The following AGTR1 variants were observed in gnomAD, a reference collection of about 807,000 sequenced individuals.
The protein encoded by AGTR1 is angiotensin II receptor type 1, also known as type-1 angiotensin II receptor.
In AGTR1, 16 loss-of-function variants were observed where a neutral mutation model predicts 19.4. The observed-to-expected ratio is 0.82, with a 90% CI of 0.56 to 1.25. The LOEUF is 1.25. Ranked by LOEUF, AGTR1 falls within the 50% of genes most tolerant of loss-of-function variation. The probability of loss-of-function intolerance (pLI) is 0.00; values close to 1 mark genes in which losing one functional copy is unlikely to be tolerated. For missense variants in AGTR1, 373 were observed against 431.9 expected, an observed-to-expected ratio of 0.86 and a Z score of 1.21; for synonymous variants, 153 against 154.9, an observed-to-expected ratio of 0.99 and a Z score of 0.09.
Position 148,742,600 on chromosome 3 carries a change from A to T in AGTR1, c.*485A>T, listed in dbSNP as rs1714983530. On this transcript the variant is annotated 3_prime_UTR_variant, in exon 3 of 3. Transcript: ENST00000349243. ...GCTACACTTGCACCTGGTACTGCAC[A>T]TTTTGTACAAAGATATGCTAAGCAG... The T allele has an allele frequency of 4.0e-6, 1 of 250,092 alleles. No homozygotes were observed. The highest frequency in any genetic ancestry group is 5.3e-5 in the South Asian group (1 of 18,924). 15.5% of individuals were successfully genotyped at this position (250,092 alleles called of 1,614,324 possible). A position where few individuals can be genotyped will look rare whatever the true frequency, so the allele number is the denominator to read the frequency against.
intron 2 of AGTR1, among the ~76,000 whole-genome samples, chr3:148,710,826 G>A (rs957378404): frequency 6.6e-6 from 1 of 152,062 alleles, no homozygotes; most frequent in Non-Finnish European, 1.5e-5. Flanking sequence ...CCTGCAGGCG[G>A]ATCTCTCATG....
chr3:148,739,969 T>C, intron 2 of AGTR1: 2 of 1,231,838 alleles, frequency 1.6e-6, no homozygotes, highest in Non-Finnish European at 2.0e-6. Flanking sequence ...GATGTCACTC[T>C]CACTGAACCT....
At chr3:148,704,462 A>T (rs1245746079) in intron 1 of AGTR1, among the ~76,000 whole-genome samples, 2 of 152,164 alleles carry the variant, frequency 1.3e-5, no homozygotes, top group Non-Finnish European at 2.9e-5. Flanking sequence ...TCATGCTATA[A>T]AGTAAATTCT....
rs1458987871 is a variant in AGTR1, at chr3:148,698,064, G to A, written c.-195G>A. ...GCACAGCCGGGACGCCGAGGCGGCG[G>A]GCGGGAGACCCGCACCAGCGCAGCC... On this transcript the variant is annotated 5_prime_UTR_variant, in exon 1 of 3. Coordinates refer to ENST00000349243, the MANE Select transcript of AGTR1 (RefSeq NM_000685.5). The A allele has an allele frequency of 6.6e-6, 1 of 152,162 alleles. No individual in the cohort carries two copies. Among genetic ancestry groups the A allele is most frequent in the African/African-American group, 2.4e-5 (1 of 41,454 alleles). The allele number at this position is 152,162 out of a possible 1,614,324, so 9.4% of individuals were successfully genotyped here.
At chr3:148,708,806 C>A (rs1712819184) in intron 2 of AGTR1, among the ~76,000 whole-genome samples, 1 of 152,194 alleles carries the variant, frequency 6.6e-6, no homozygotes, top group African/African-American at 2.4e-5. Flanking sequence ...GTTCAAAGAA[C>A]AAGCCCTCAG....
rs183218911 is a variant in AGTR1, at chr3:148,713,271, G to A, written c.-48+5244G>A. Among the ~76,000 whole-genome samples the A allele has an allele frequency of 3.9e-3, 591 of 150,124 alleles. 3 individuals carry two copies. Among genetic ancestry groups the A allele is most frequent in the African/African-American group, 0.014 (563 of 40,966 alleles). ...TATTTAATCATTTTTTTTCTTTTTT[G>A]GTTTCTATGGTATCACCATCCATCA... On this transcript the variant is annotated intron_variant, in intron 2 of 2. Coordinates refer to ENST00000349243, the MANE Select transcript of AGTR1 (RefSeq NM_000685.5).
rs535148653 is a variant in AGTR1, at chr3:148,698,128, G to A, written c.-132+1G>A. 2.0e-5 allele frequency: 3 copies of A among 152,364 alleles called. No individual in the cohort carries two copies. The East Asian group carries it at 5.8e-4, about 29-fold the overall frequency. 9.4% of individuals were successfully genotyped at this position (152,364 alleles called of 1,614,324 possible). A position where few individuals can be genotyped will look rare whatever the true frequency, so the allele number is the denominator to read the frequency against. On this transcript the variant is annotated splice_donor_variant, in intron 1 of 2. Transcript: ENST00000349243. LOFTEE classifies it low-confidence loss of function (5UTR_SPLICE). Reference sequence around the variant, plus strand: ...ACGTGACGCAGCGCCCGGGGCGCGGGTGAGTCCGCGCGGACCGCCAGGCAT... The same window carrying A: ...ACGTGACGCAGCGCCCGGGGCGCGGATGAGTCCGCGCGGACCGCCAGGCAT...
chr3:148,708,796 G>C (rs1451289960), intron 2 of AGTR1, among the ~76,000 whole-genome samples: 1 of 152,174 alleles, frequency 6.6e-6, no homozygotes, highest in African/African-American at 2.4e-5. Context: ...CAAAAACTCA[G>C]TTCAAAGAAC....
chr3:148,713,631 T>C (rs1713128036), intron 2 of AGTR1, among the ~76,000 whole-genome samples: 1 of 152,102 alleles, frequency 6.6e-6, no homozygotes, highest in African/African-American at 2.4e-5. Flanking sequence ...CCTGTCCTGA[T>C]GTGGAGTCAG....
intron 1 of AGTR1, chr3:148,698,455 T>G (rs1002546857): frequency 1.1e-4 from 17 of 152,320 alleles, no homozygotes; most frequent in African/African-American, 4.1e-4. Flanking sequence ...TTCCTGAGGC[T>G]TTTAGTTAAC....
intron 2 of AGTR1, among the ~76,000 whole-genome samples, chr3:148,729,046 G>A (rs1421692667): frequency 6.6e-6 from 1 of 152,224 alleles, no homozygotes; most frequent in Non-Finnish European, 1.5e-5. Flanking sequence ...GGAAGAACCA[G>A]AGGAGAGTTT....
intron 2 of AGTR1, among the ~76,000 whole-genome samples, chr3:148,726,722 A>G (rs1298929437): frequency 2.6e-5 from 4 of 151,934 alleles, no homozygotes; most frequent in African/African-American, 9.7e-5. Flanking sequence ...GCCTCTTTTG[A>G]AAGCTCTGAT....
At position 148,727,205 on chromosome 3, in the gene AGTR1, G is replaced by A. The variant is rs75390163; in HGVS notation, c.-47-13784G>A. Among the ~76,000 whole-genome samples, 1,084 of 152,294 alleles carry A rather than the reference G, an allele frequency of 7.1e-3. 4 individuals are homozygous for A. Among genetic ancestry groups the A allele is most frequent in the Admixed American group, 0.011 (164 of 15,294 alleles). On this transcript the variant is annotated intron_variant, in intron 2 of 2. Coordinates refer to ENST00000349243, the MANE Select transcript of AGTR1 (RefSeq NM_000685.5). The stretch of plus-strand genomic sequence containing the variant: ...TCTGTAATTGTCAAACTTCCAGAAA[G>A]TAACATTTGTAACTAAGTATGGTAT...
chr3:148,742,368 T>C lies in AGTR1; in HGVS notation c.*253T>C, dbSNP rs547202236. The C allele has an allele frequency of 1.8e-4, 106 of 582,390 alleles. No individual in the cohort carries two copies. The highest frequency in any genetic ancestry group is 1.8e-3 in the African/African-American group (94 of 53,476). 36.1% of individuals were successfully genotyped at this position (582,390 alleles called of 1,614,324 possible). A position where few individuals can be genotyped will look rare whatever the true frequency, so the allele number is the denominator to read the frequency against. ...TCGAAGAACAATGTCAGAAACTCGA[T>C]GAATGTGTTGATTTGAGAAATTTTA... On this transcript the variant is annotated 3_prime_UTR_variant, in exon 3 of 3. Transcript: ENST00000349243.
intron 1 of AGTR1, among the ~76,000 whole-genome samples, chr3:148,707,353 G>A (rs1276611611): frequency 6.6e-6 from 1 of 152,118 alleles, no homozygotes; most frequent in Non-Finnish European, 1.5e-5. Context: ...CCTCTGGGAA[G>A]TAAATGCAGA....
At chr3:148,717,275 G>C (rs1576529240) in intron 2 of AGTR1, among the ~76,000 whole-genome samples, 1 of 152,066 alleles carries the variant, frequency 6.6e-6, no homozygotes, top group African/African-American at 2.4e-5. Flanking sequence ...ACTGTGTCAG[G>C]CACTGTATTT....
chr3:148,715,877 A>T (rs955102681), intron 2 of AGTR1, among the ~76,000 whole-genome samples: 1 of 152,096 alleles, frequency 6.6e-6, no homozygotes, highest in Non-Finnish European at 1.5e-5. Flanking sequence ...ACCTGTGACT[A>T]TATTAATTAA....
At chr3:148,703,834 A>T (rs2638361) in intron 1 of AGTR1, among the ~76,000 whole-genome samples, 60,927 of 140,068 alleles carry the variant, frequency 0.43, 13,770 homozygotes, top group East Asian at 0.55. Context: ...AATTTTTTTT[A>T]AAAAAAGCAA....
intron 2 of AGTR1, among the ~76,000 whole-genome samples, chr3:148,737,688 T>G (rs1235086610): frequency 6.6e-6 from 1 of 152,172 alleles, no homozygotes; most frequent in East Asian, 1.9e-4. Context: ...CTTCCACTGT[T>G]TCTATCGCCT....
Sources: allele counts gnomAD v4.1 joint callset (sites outside exome capture counted in the v4.1 genomes callset), GRCh38; gene constraint gnomAD v4.1.1; transcripts MANE v1.5; gene names NCBI Gene and HGNC (gene_info 2026-07-23, HGNC 2026-07-21).